ZC3HAV1: variants seen among roughly 807,000 people sequenced by gnomAD.
The protein encoded by ZC3HAV1 is zinc finger CCCH-type containing, antiviral 1, also known as zinc finger CCCH-type antiviral protein 1.
Under a neutral mutation model 86.6 loss-of-function variants are expected in ZC3HAV1, and 41 were observed. The ratio of observed to expected loss-of-function variants is 0.47; its 90% CI spans 0.37 to 0.61. The LOEUF is 0.61. Among genes scored for constraint, ZC3HAV1 ranks in the 20% least tolerant of loss-of-function variants. ZC3HAV1 has a pLI of 0.00. For missense variants in ZC3HAV1, 964 were observed against 1,141.1 expected, an observed-to-expected ratio of 0.84 and a Z score of 2.24; for synonymous variants, 421 against 432.1, an observed-to-expected ratio of 0.97 and a Z score of 0.32.
At chr7:139,065,527 G>GT (rs1286796989) in intron 7 of ZC3HAV1, among the ~76,000 whole-genome samples, 1 of 152,186 alleles carries the variant, frequency 6.6e-6, no homozygotes, top group Admixed American at 6.5e-5. Context: ...CTGAACCAGA[G>GT]TAAGTAAACA....
chr7:139,079,831 G>A lies in ZC3HAV1; in HGVS notation c.1110C>T (p.Gly370=), dbSNP rs147371695. 2,204 of 1,614,172 alleles carry A rather than the reference G, an allele frequency of 1.4e-3. 41 individuals are homozygous for A. In the South Asian group the frequency reaches 0.018, roughly 13 times the overall value. Residue 370 remains glycine, a synonymous_variant, in exon 4 of 13, where the codon GGC becomes GGT. Coordinates refer to ENST00000242351, the MANE Select transcript of ZC3HAV1 (RefSeq NM_020119.4). ...GAGAAAACACAGTCTTTCTCCTGGC[G>A]CCTTGGTCATTCGTCCAGGATGTGA... ...KSLTSWTNDQ[G]ARRKTVFSPT...
In ZC3HAV1 at chr7:139,047,130, C is replaced by A; in HGVS notation, c.*464G>T. The A allele has an allele frequency of 5.9e-6, 1 of 170,622 alleles. No individual in the cohort carries two copies. Among genetic ancestry groups the A allele is most frequent in the Non-Finnish European group, 1.2e-5 (1 of 80,788 alleles). The allele number at this position is 170,622 out of a possible 1,614,324, so 10.6% of individuals were successfully genotyped here. On this transcript the variant is annotated 3_prime_UTR_variant, in exon 13 of 13. Transcript: ENST00000242351. The stretch of plus-strand genomic sequence containing the variant: ...TTGCCTGAGCTCAGGAGTTTGAGAC[C>A]AGCCTGGGCAACACAGTGAAACCCT...
chr7:139,058,202 C>T (rs1816342222), intron 9 of ZC3HAV1, among the ~76,000 whole-genome samples: 1 of 134,854 alleles, frequency 7.4e-6, no homozygotes, highest in Non-Finnish European at 1.5e-5. Flanking sequence ...TTTTTTTATT[C>T]ATGTGGCTGT....
At chr7:139,095,072 G>A (rs1311155486) in intron 1 of ZC3HAV1, among the ~76,000 whole-genome samples, 3 of 151,156 alleles carry the variant, frequency 2.0e-5, no homozygotes, top group Non-Finnish European at 4.4e-5. Context: ...AATAGGGTTG[G>A]CAAAAACAAA....
intron 9 of ZC3HAV1, among the ~76,000 whole-genome samples, chr7:139,059,017 A>C (rs1012770114): frequency 6.6e-6 from 1 of 152,190 alleles, no homozygotes; most frequent in Non-Finnish European, 1.5e-5. Flanking sequence ...TTAAAAAAAA[A>C]AATGCAGTTT....
At chr7:139,100,335 C>T (rs541666652) in intron 1 of ZC3HAV1, among the ~76,000 whole-genome samples, 1 of 151,894 alleles carries the variant, frequency 6.6e-6, no homozygotes, top group East Asian at 1.9e-4. Context: ...ATCGAGACCA[C>T]CCTAGCGAAC....
At chr7:139,060,042 C>A (rs1380877787) in intron 9 of ZC3HAV1, among the ~76,000 whole-genome samples, 1 of 152,176 alleles carries the variant, frequency 6.6e-6, no homozygotes, top group Non-Finnish European at 1.5e-5. Context: ...AGGCTGTTAA[C>A]CTGGTCCCAA....
intron 7 of ZC3HAV1, among the ~76,000 whole-genome samples, chr7:139,068,235 T>G (rs1282288662): frequency 1.3e-5 from 2 of 151,882 alleles, no homozygotes; most frequent in South Asian, 4.2e-4. Flanking sequence ...GATTCTTGTA[T>G]TTTTAGTAGA....
At chr7:139,107,730 G>T (rs780120716) in intron 1 of ZC3HAV1, among the ~76,000 whole-genome samples, 4 of 152,222 alleles carry the variant, frequency 2.6e-5, no homozygotes, top group Non-Finnish European at 5.9e-5. Flanking sequence ...TTGAACCTGG[G>T]AGGTGGAGGT....
intron 1 of ZC3HAV1, among the ~76,000 whole-genome samples, chr7:139,092,088 G>A (rs1453298174): frequency 6.6e-6 from 1 of 152,192 alleles, no homozygotes; most frequent in East Asian, 1.9e-4. Flanking sequence ...AGGATAAATG[G>A]TTACAAGAAA....
intron 1 of ZC3HAV1, among the ~76,000 whole-genome samples, chr7:139,100,462 A>G (rs1335727614): frequency 6.6e-6 from 1 of 151,912 alleles, no homozygotes; most frequent in Non-Finnish European, 1.5e-5. Context: ...TGAACCCAGG[A>G]GGCGGAGACT....
At chr7:139,060,382 GT>G in intron 9 of ZC3HAV1, 13 of 987,188 alleles carry the variant, frequency 1.3e-5, no homozygotes, top group Non-Finnish European at 1.4e-5. Flanking sequence ...CACAAGGAGA[GT>G]TACAATGAAT....
chr7:139,065,004 T>C lies in ZC3HAV1; in HGVS notation c.1873-5A>G. On this transcript the variant is annotated splice_region_variant and splice_polypyrimidine_tract_variant and intron_variant, in intron 7 of 12. Coordinates refer to ENST00000242351, the MANE Select transcript of ZC3HAV1 (RefSeq NM_020119.4). ...TGAATTTTTCCGTTTGTCTTTCTAA[T>C]TGGAAAAAAAATAAAAGGTAAAGTC... 6.2e-7 allele frequency: 1 copy of C among 1,613,008 alleles called. No homozygotes were observed.
rs1818029071 is a variant in ZC3HAV1 at position 139,109,149 on chromosome 7, G to C, written c.183C>G (p.Thr61=). The change falls in exon 1 of 13, where the codon ACC becomes ACG. Residue 61 remains threonine, a synonymous_variant. Coordinates refer to ENST00000242351, the MANE Select transcript of ZC3HAV1 (RefSeq NM_020119.4). ...VLETGGEAGI[T]RSVVATTRAR... ...CTCGAGTGGTGGCCACCACCGATCG[G>C]GTGATCCCGGCCTCGCCGCCGGTCT... 1.1e-5 allele frequency: 18 copies of C among 1,593,610 alleles called. No homozygotes were observed. Among genetic ancestry groups the C allele is most frequent in the Non-Finnish European group, 1.5e-5 (17 of 1,170,336 alleles).
intron 9 of ZC3HAV1, among the ~76,000 whole-genome samples, chr7:139,056,229 T>C (rs776808293): frequency 2.6e-5 from 4 of 152,136 alleles, no homozygotes; most frequent in Non-Finnish European, 5.9e-5. Context: ...TGGCTCACTA[T>C]ATCCTCAACC....
chr7:139,079,262 G>T (rs1314352302), intron 4 of ZC3HAV1: 1 of 1,536,822 alleles, frequency 6.5e-7, no homozygotes, highest in Admixed American at 2.0e-5. Flanking sequence ...AGGGGCAGTG[G>T]ATTCCCCAGG....
intron 7 of ZC3HAV1, among the ~76,000 whole-genome samples, chr7:139,068,788 C>T (rs563362791): frequency 1.3e-5 from 2 of 152,286 alleles, no homozygotes; most frequent in South Asian, 4.1e-4. Context: ...TAACATTTCC[C>T]CTTGGTTCAG....
rs1169468584 is a variant in ZC3HAV1 at position 139,046,066 on chromosome 7, ACTTTGGTG to A, written c.*1520_*1527del. ...CTGCTAAAAGAAATTATAACAGGAA[ACTTTGGTG>A]ACTGGTAAGGAATGTTGAAAAGGGA... On this transcript the variant is annotated 3_prime_UTR_variant, in exon 13 of 13. Coordinates refer to ENST00000242351, the MANE Select transcript of ZC3HAV1 (RefSeq NM_020119.4). 6.6e-6 allele frequency: 1 copy of A among 152,006 alleles called. No homozygotes were observed. Among genetic ancestry groups the A allele is most frequent in the Non-Finnish European group, 1.5e-5 (1 of 67,992 alleles). The allele number at this position is 152,006 out of a possible 1,614,324, so 9.4% of individuals were successfully genotyped here.
chr7:139,058,333 AG>A (rs1816345372), intron 9 of ZC3HAV1, among the ~76,000 whole-genome samples: 1 of 151,726 alleles, frequency 6.6e-6, no homozygotes, highest in Non-Finnish European at 1.5e-5. Flanking sequence ...GTGCACCCAT[AG>A]TCCTAGTTAC....
Sources: allele counts gnomAD v4.1 joint callset (sites outside exome capture counted in the v4.1 genomes callset), GRCh38; gene constraint gnomAD v4.1.1; transcripts MANE v1.5; gene names NCBI Gene and HGNC (gene_info 2026-07-23, HGNC 2026-07-21).